CRKL: variants seen among roughly 807,000 people sequenced by gnomAD.
The protein encoded by CRKL is CRK like proto-oncogene, adaptor protein, also known as crk-like protein.
A neutral mutation model predicts 23.0 loss-of-function variants in CRKL; 3 were observed. The observed-to-expected ratio is 0.13, with a 90% CI of 0.06 to 0.34. The LOEUF is 0.34. Ranked by LOEUF, CRKL falls within the 10% of genes least tolerant of loss-of-function variation. The pLI, the probability that CRKL is intolerant of heterozygous loss-of-function variation, is 1.00. For synonymous variants in CRKL, 188 were observed against 160.7 expected (o/e 1.17, Z -1.28); for missense variants, 256 against 394.5 (o/e 0.65, Z 2.97).
intron 1 of CRKL, among the ~76,000 whole-genome samples, chr22:20,920,549 G>A (rs1242385174): frequency 1.3e-5 from 2 of 151,994 alleles, no homozygotes; most frequent in Admixed American, 6.6e-5. Flanking sequence ...CTAGAGGAAG[G>A]AAAAGAAGTA....
Position 20,948,169 on chromosome 22 carries a change from C to T in CRKL, c.778-1542C>T, listed in dbSNP as rs145200478. Reference sequence around the variant, plus strand: ...GTATCCTGTTGAAGACCGCCAGACTCACAAGTTAATTGGAAGGCGTGAGGT... The same window carrying T: ...GTATCCTGTTGAAGACCGCCAGACTTACAAGTTAATTGGAAGGCGTGAGGT... On this transcript the variant is annotated intron_variant, in intron 2 of 2. Transcript: ENST00000354336. 2.1e-4 allele frequency among the ~76,000 whole-genome samples: 32 copies of T among 152,294 alleles called. No homozygotes were observed. In the East Asian group the frequency reaches 6.0e-3, roughly 28 times the overall value.
chr22:20,949,998 A>C lies in CRKL; in HGVS notation c.*153A>C. On this transcript the variant is annotated 3_prime_UTR_variant, in exon 3 of 3. Transcript: ENST00000354336. ...AGTCGCACACACATTTGGAATGCAC[A>C]CAGCGGCTGCCTCCTGATGTTTGTA... 1 of 976,246 alleles carries C rather than the reference A, an allele frequency of 1.0e-6. No individual in the cohort carries two copies. The highest frequency in any genetic ancestry group is 1.5e-6 in the Non-Finnish European group (1 of 678,666). 60.5% of individuals were successfully genotyped at this position (976,246 alleles called of 1,614,324 possible).
intron 2 of CRKL, among the ~76,000 whole-genome samples, chr22:20,946,703 G>A (rs1355683756): frequency 7.7e-6 from 1 of 129,564 alleles, no homozygotes; most frequent in African/African-American, 2.8e-5. Flanking sequence ...TTCTCTGAAG[G>A]TGTAGAGCAC....
At chr22:20,931,990 T>G (rs1921473150) in intron 1 of CRKL, among the ~76,000 whole-genome samples, 1 of 151,924 alleles carries the variant, frequency 6.6e-6, no homozygotes, top group African/African-American at 2.4e-5. Context: ...TTTTTGTATT[T>G]TTAGTAGAGA....
intron 1 of CRKL, among the ~76,000 whole-genome samples, chr22:20,931,801 A>G (rs1921462323): frequency 6.6e-6 from 1 of 151,808 alleles, no homozygotes; most frequent in South Asian, 2.1e-4. Context: ...ATTTATTTTT[A>G]TTTTTATTTT....
chr22:20,945,304 T>C (rs1465309606), intron 2 of CRKL, among the ~76,000 whole-genome samples: 3 of 152,138 alleles, frequency 2.0e-5, no homozygotes, highest in Non-Finnish European at 4.4e-5. Flanking sequence ...GGAATTACTT[T>C]CTTAATTATT....
chr22:20,917,556 G>A lies in CRKL; in HGVS notation c.-379G>A, dbSNP rs1929734898. 4 of 290,852 alleles carry A rather than the reference G, an allele frequency of 1.4e-5. No homozygotes were observed. The East Asian group carries it at 1.6e-4, about 12-fold the overall frequency. The allele number at this position is 290,852 out of a possible 1,614,324, so 18.0% of individuals were successfully genotyped here. On this transcript the variant is annotated 5_prime_UTR_variant, in exon 1 of 3. Coordinates refer to ENST00000354336, the MANE Select transcript of CRKL (RefSeq NM_005207.4). Reference sequence around the variant, plus strand: ...GTTCGGTGCCTCGTGTGACGGCGGGGGTCGGTGAAGACCCGTCGAGCTGCG... The same window carrying A: ...GTTCGGTGCCTCGTGTGACGGCGGGAGTCGGTGAAGACCCGTCGAGCTGCG...
At position 20,924,720 on chromosome 22, in the gene CRKL, C is replaced by T. The variant is rs187194271; in HGVS notation, c.311+6475C>T. On this transcript the variant is annotated intron_variant, in intron 1 of 2. Coordinates refer to ENST00000354336, the MANE Select transcript of CRKL (RefSeq NM_005207.4). ...AATACAAAAAATTAGCTGGGCATGGCGGCGTGTGCCTAAGAGGCTAAAGGC... is the reference window on the plus strand; with the variant it reads ...AATACAAAAAATTAGCTGGGCATGGTGGCGTGTGCCTAAGAGGCTAAAGGC... Among the ~76,000 whole-genome samples the T allele has an allele frequency of 3.6e-3, 550 of 152,050 alleles. 3 individuals are homozygous for T. Among genetic ancestry groups the T allele is most frequent in the Middle Eastern group, 6.8e-3 (2 of 294 alleles).
rs764374386 is a variant in CRKL at position 20,918,006 on chromosome 22, G to T, written c.72G>T (p.Ala24=). ...WYMGPVSRQE[A]QTRLQGQRHG... ...TGGGGCCGGTGTCTCGCCAGGAGGC[G>T]CAGACCCGGCTCCAGGGCCAGCGCC... The change falls in exon 1 of 3, where the codon GCG becomes GCT. Residue 24 remains alanine (A), a synonymous_variant. Coordinates refer to ENST00000354336, the MANE Select transcript of CRKL (RefSeq NM_005207.4). 32 of 1,614,072 alleles carry T rather than the reference G, an allele frequency of 2.0e-5. No individual in the cohort carries two copies. Among genetic ancestry groups the T allele is most frequent in the Non-Finnish European group, 1.2e-5 (14 of 1,180,048 alleles).
chr22:20,939,110 AAAAAAAC>A (rs1259807592), intron 2 of CRKL, among the ~76,000 whole-genome samples: 1 of 152,036 alleles, frequency 6.6e-6, no homozygotes, highest in Non-Finnish European at 1.5e-5. Context: ...GGACACCTCC[AAAAAAAC>A]ATTCACTTCA....
intron 2 of CRKL, among the ~76,000 whole-genome samples, chr22:20,938,185 C>T (rs1601681816): frequency 2.0e-5 from 3 of 152,104 alleles, no homozygotes; most frequent in Admixed American, 6.5e-5. Context: ...TTCGTTATTC[C>T]CCTAGATAGT....
chr22:20,923,375 C>T (rs1921061929), intron 1 of CRKL, among the ~76,000 whole-genome samples: 1 of 150,998 alleles, frequency 6.6e-6, no homozygotes, highest in African/African-American at 2.4e-5. Context: ...CTCCTGGGTT[C>T]ACGCCATTCT....
At chr22:20,946,215 G>A (rs1214376792) in intron 2 of CRKL, among the ~76,000 whole-genome samples, 1 of 152,196 alleles carries the variant, frequency 6.6e-6, no homozygotes, top group Admixed American at 6.5e-5. Flanking sequence ...GTGACGACCA[G>A]TGCTTGGGCC....
At chr22:20,948,441 C>T (rs367669596) in intron 2 of CRKL, among the ~76,000 whole-genome samples, 8 of 151,246 alleles carry the variant, frequency 5.3e-5, no homozygotes, top group East Asian at 1.9e-4. Context: ...TTAGAGGGGG[C>T]GTGGGGTTGG....
chr22:20,941,596 T>A (rs1321280841), intron 2 of CRKL, among the ~76,000 whole-genome samples: 34 of 88,932 alleles, frequency 3.8e-4, no homozygotes, highest in African/African-American at 1.3e-3. Context: ...ATATTTTTTT[T>A]TTTTTTTTTT....
rs2147905987 is a variant in CRKL, at chr22:20,934,206, G to A, written c.739G>A (p.Val247Ile). The A allele has an allele frequency of 1.2e-6, 2 of 1,614,184 alleles. No individual in the cohort carries two copies. The highest frequency in any genetic ancestry group is 1.7e-6 in the Non-Finnish European group (2 of 1,180,030). ...PVFAKAIQKR[V>I]PCAYDKTALA... is the part of the protein sequence containing the mutation. ...CTTTGCGAAAGCAATCCAGAAAAGAGTACCCTGTGCTTATGACAAGACTGC... is the reference window on the plus strand; with the variant it reads ...CTTTGCGAAAGCAATCCAGAAAAGAATACCCTGTGCTTATGACAAGACTGC... Residue 247 changes from valine (V) to isoleucine (I), a missense_variant, in exon 2 of 3, where the codon GTA (valine) becomes ATA (isoleucine). By Grantham distance (29) the Val-to-Ile change is conservative. Coordinates refer to ENST00000354336, the MANE Select transcript of CRKL (RefSeq NM_005207.4).
rs60913011 is a variant in CRKL, at chr22:20,950,328, C to CT, written c.*493dup. The CT allele has an allele frequency of 0.71, 153,282 of 217,048 alleles. 51,446 individuals are homozygous for CT. The highest frequency in any genetic ancestry group is 0.88 in the South Asian group (4,659 of 5,294). The allele number at this position is 217,048 out of a possible 1,614,324, so 13.4% of individuals were successfully genotyped here. The stretch of plus-strand genomic sequence containing the variant: ...TCTGTTCTAAAACTCCAAAATCTGG[C>CT]TTTTTTTTTTCTTTTGTTTTGGTTT... On this transcript the variant is annotated 3_prime_UTR_variant, in exon 3 of 3. Coordinates refer to ENST00000354336, the MANE Select transcript of CRKL (RefSeq NM_005207.4).
intron 1 of CRKL, among the ~76,000 whole-genome samples, chr22:20,923,808 C>A (rs1184197098): frequency 6.7e-6 from 1 of 150,244 alleles, no homozygotes; most frequent in South Asian, 2.1e-4. Context: ...TGTCTCTTGA[C>A]CTCAGGGGAT....
rs754239104 is a variant in CRKL at position 20,949,866 on chromosome 22, G to A, written c.*21G>A. On this transcript the variant is annotated 3_prime_UTR_variant, in exon 3 of 3. Transcript: ENST00000354336. ...AGTGATTGCTGTTGCCCTGTTTCCT[G>A]CTGCTTTGTTGTTCTGCCTGTCCTA... 5 of 1,596,072 alleles carry A rather than the reference G, an allele frequency of 3.1e-6. No homozygotes were observed. Among genetic ancestry groups the A allele is most frequent in the South Asian group, 2.3e-5 (2 of 87,956 alleles).
Sources: allele counts gnomAD v4.1 joint callset (sites outside exome capture counted in the v4.1 genomes callset), GRCh38; gene constraint gnomAD v4.1.1; transcripts MANE v1.5; gene names NCBI Gene and HGNC (gene_info 2026-07-23, HGNC 2026-07-21).